The following SORCS1 variants were observed in gnomAD, a reference collection of about 807,000 sequenced individuals.
The protein encoded by SORCS1 is sortilin related VPS10 domain containing receptor 1.
SORCS1 carries 60 observed loss-of-function variants against 146.1 expected under a neutral mutation model. The ratio of observed to expected loss-of-function variants is 0.41; its 90% CI spans 0.33 to 0.51. The LOEUF is 0.51. Among genes scored for constraint, SORCS1 ranks in the 20% least tolerant of loss-of-function variants. The pLI, the probability that SORCS1 is intolerant of heterozygous loss-of-function variation, is 0.21. For missense variants in SORCS1, 1,352 were observed against 1,487.6 expected (o/e 0.91, Z 1.50); for synonymous variants, 637 against 584.0 (o/e 1.09, Z -1.31).
intron 2 of SORCS1, among the ~76,000 whole-genome samples, chr10:106,919,643 T>C (rs1952609510): frequency 6.6e-6 from 1 of 152,232 alleles, no homozygotes. Flanking sequence ...TGCCTAACGG[T>C]ACTACATAGT....
chr10:107,136,681 T>G (rs1185239337), intron 1 of SORCS1, among the ~76,000 whole-genome samples: 1 of 152,158 alleles, frequency 6.6e-6, no homozygotes, highest in East Asian at 1.9e-4. Flanking sequence ...CATTGATTAT[T>G]AAGTCCAGGT....
rs545276290 is a variant in SORCS1 at position 106,997,232 on chromosome 10, G to A, written c.559-40652C>T. Among the ~76,000 whole-genome samples the A allele has an allele frequency of 6.6e-5, 10 of 152,218 alleles. No individual in the cohort carries two copies. The South Asian group carries it at 1.9e-3, about 28-fold the overall frequency. ...CAGCACCTTGTCTGGCCCACAGTGGGTGTCTTATAAATAGTTGGTGAACTC... is the reference window on the plus strand; with the variant it reads ...CAGCACCTTGTCTGGCCCACAGTGGATGTCTTATAAATAGTTGGTGAACTC... On this transcript the variant is annotated intron_variant, in intron 1 of 25. Transcript: ENST00000263054.
intron 1 of SORCS1, among the ~76,000 whole-genome samples, chr10:106,991,253 T>A (rs778475253): frequency 1.3e-5 from 2 of 152,224 alleles, no homozygotes; most frequent in Non-Finnish European, 2.9e-5. Context: ...CAGAGTGTTA[T>A]TTCAGCTTTC....
intron 1 of SORCS1, among the ~76,000 whole-genome samples, chr10:107,102,615 C>G (rs972390459): frequency 6.6e-6 from 1 of 152,056 alleles, no homozygotes; most frequent in African/African-American, 2.4e-5. Context: ...TACCTAAGCA[C>G]TATAAAGAAG....
chr10:107,115,130 G>A (rs187144125), intron 1 of SORCS1, among the ~76,000 whole-genome samples: 16 of 151,906 alleles, frequency 1.1e-4, no homozygotes, highest in East Asian at 1.9e-4. Flanking sequence ...AACATATCCC[G>A]TGTTTATGGA....
chr10:107,125,743 T>C (rs749431121), intron 1 of SORCS1, among the ~76,000 whole-genome samples: 1 of 152,232 alleles, frequency 6.6e-6, no homozygotes, highest in Non-Finnish European at 1.5e-5. Context: ...TGTGTCTTAA[T>C]TGAATCATTC....
intron 2 of SORCS1, among the ~76,000 whole-genome samples, chr10:106,944,364 C>A (rs1269102809): frequency 6.6e-6 from 1 of 152,156 alleles, no homozygotes; most frequent in African/African-American, 2.4e-5. Context: ...CACCTAGAGG[C>A]GCCTGAAATA....
At chr10:106,588,822 C>T (rs1445866642) in intron 24 of SORCS1, among the ~76,000 whole-genome samples, 1 of 132,752 alleles carries the variant, frequency 7.5e-6, no homozygotes, top group African/African-American at 2.9e-5. Context: ...GATCACGCCA[C>T]TGCACTCCAG....
chr10:107,012,398 G>A (rs1957731126), intron 1 of SORCS1, among the ~76,000 whole-genome samples: 1 of 152,174 alleles, frequency 6.6e-6, no homozygotes, highest in Non-Finnish European at 1.5e-5. Context: ...CAGCTCATAG[G>A]ATTTTTGGTG....
At chr10:106,968,158 C>T (rs1282924424) in intron 1 of SORCS1, among the ~76,000 whole-genome samples, 6 of 151,812 alleles carry the variant, frequency 4.0e-5, no homozygotes, top group Admixed American at 6.6e-5. Flanking sequence ...TGCAGTGAGC[C>T]GAGATCGCGC....
chr10:107,049,527 G>GT (rs1337527992), intron 1 of SORCS1, among the ~76,000 whole-genome samples: 4 of 152,074 alleles, frequency 2.6e-5, no homozygotes, highest in Non-Finnish European at 5.9e-5. Context: ...GGGACCTGTC[G>GT]TAAGTTTAAG....
At chr10:106,680,544 T>G (rs1441970137) in intron 10 of SORCS1, among the ~76,000 whole-genome samples, 1 of 152,212 alleles carries the variant, frequency 6.6e-6, no homozygotes, top group Non-Finnish European at 1.5e-5. Flanking sequence ...AATGCACTAG[T>G]AGTAAAAATT....
Position 107,009,852 on chromosome 10 carries a change from A to G in SORCS1, c.559-53272T>C, listed in dbSNP as rs1589919583. On this transcript the variant is annotated intron_variant, in intron 1 of 25. Coordinates refer to ENST00000263054, the MANE Select transcript of SORCS1 (RefSeq NM_052918.5). ...TATCAGAGCGACAAAGAATAGGTGC[A>G]TAGGGAGACAATACGTAATATAAGT... Among the ~76,000 whole-genome samples, 3 of 152,342 alleles carry G rather than the reference A, an allele frequency of 2.0e-5. No homozygotes were observed. The Middle Eastern group carries it at 0.01, about 518-fold the overall frequency.
intron 23 of SORCS1, among the ~76,000 whole-genome samples, chr10:106,598,382 C>A (rs1272196910): frequency 6.6e-6 from 1 of 151,842 alleles, no homozygotes; most frequent in Non-Finnish European, 1.5e-5. Context: ...CTGCCTCAGC[C>A]TCCTGAGTAG....
chr10:107,052,406 C>T (rs892284545), intron 1 of SORCS1, among the ~76,000 whole-genome samples: 18 of 152,204 alleles, frequency 1.2e-4, no homozygotes, highest in South Asian at 6.2e-4. Flanking sequence ...AAATTATCAA[C>T]CTATTGGGAT....
At chr10:106,776,453 G>A (rs971687455) in intron 4 of SORCS1, 81 bp downstream of exon 4, 23 of 1,547,274 alleles carry the variant, frequency 1.5e-5, no homozygotes, top group Non-Finnish European at 2.0e-5. Context: ...TCACTGAGGT[G>A]AAATGGAGAG....
At chr10:106,898,350 A>G (rs2138022767) in intron 2 of SORCS1, among the ~76,000 whole-genome samples, 1 of 152,262 alleles carries the variant, frequency 6.6e-6, no homozygotes, top group African/African-American at 2.4e-5. Flanking sequence ...ACCTAATTAG[A>G]TGTCTGACAG....
At chr10:106,788,198 T>C (rs1564657735) in intron 3 of SORCS1, among the ~76,000 whole-genome samples, 1 of 152,196 alleles carries the variant, frequency 6.6e-6, no homozygotes. Context: ...ACCACCCTCA[T>C]GATCAAGGTC....
intron 6 of SORCS1, among the ~76,000 whole-genome samples, chr10:106,717,299 C>G (rs1010942390): frequency 6.6e-6 from 1 of 152,224 alleles, no homozygotes; most frequent in Non-Finnish European, 1.5e-5. Context: ...CACGCACACA[C>G]GTGTCAACAC....
Sources: gnomAD v4.1 joint callset for allele counts (sites outside exome capture counted in the v4.1 genomes callset) on GRCh38, gnomAD v4.1.1 for gene constraint, MANE v1.5 for transcripts, NCBI Gene and HGNC (gene_info 2026-07-23, HGNC 2026-07-21) for gene names.